Variants in KCNK4 observed in about 807,000 individuals in gnomAD.
KCNK4 encodes the protein potassium channel subfamily K member 4.
In KCNK4, 22 loss-of-function variants were observed where a neutral mutation model predicts 28.8. That is an observed-to-expected ratio of 0.76 (90% CI 0.55 to 1.09). KCNK4 has a LOEUF of 1.09. Among genes scored for constraint, KCNK4 ranks in the 50% least tolerant of loss-of-function variants. KCNK4 has a pLI of 0.00. For missense variants in KCNK4, 483 were observed against 546.3 expected (o/e 0.88, Z 1.15); for synonymous variants, 263 against 252.9 (o/e 1.04, Z -0.38).
intron 2 of KCNK4, among the ~76,000 whole-genome samples, chr11:64,296,579 A>G (rs895512390): frequency 2.6e-5 from 4 of 152,192 alleles, no homozygotes; most frequent in African/African-American, 9.7e-5. Flanking sequence ...GAACCCAGGC[A>G]GTCTGGTCCC....
In KCNK4 at chr11:64,298,107, C is replaced by T; in HGVS notation, c.662-3C>T. ...CTTTCTACCTTCCCTGGTGGTATCC[C>T]AGGCGCGGACCCCAGGCAGGACTCC... is the stretch of plus-strand genomic sequence containing the variant. On this transcript the variant is annotated splice_region_variant and splice_polypyrimidine_tract_variant and intron_variant, in intron 5 of 6. Coordinates refer to ENST00000422670, the MANE Select transcript of KCNK4 (RefSeq NM_033310.3). 1 of 1,613,120 alleles carries T rather than the reference C, an allele frequency of 6.2e-7. No individual in the cohort carries two copies.
chr11:64,298,402 G>A (rs1488311169), intron 6 of KCNK4, among the ~76,000 whole-genome samples, 153 bp downstream of exon 6: 1 of 152,232 alleles, frequency 6.6e-6, no homozygotes, highest in Non-Finnish European at 1.5e-5. Context: ...AGGGAACAGA[G>A]GGGTATAAGT....
chr11:64,297,627 C>A lies in KCNK4; in HGVS notation c.635C>A (p.Thr212Asn), dbSNP rs750123003. 1 of 1,612,122 alleles carries A rather than the reference C, an allele frequency of 6.2e-7. No homozygotes were observed. The highest frequency in any genetic ancestry group is 1.3e-5 in the African/African-American group (1 of 75,022). ...TACTTTGTCATAGTGACGCTTACCACCGTGGGCTTTGGCGACTATGTGGCC... is the reference window on the plus strand; with the variant it reads ...TACTTTGTCATAGTGACGCTTACCAACGTGGGCTTTGGCGACTATGTGGCC... ...AIYFVIVTLT[T>N]VGFGDYVAGA... is the part of the protein sequence containing the mutation. The change falls in exon 5 of 7, where the codon ACC (threonine) becomes AAC (asparagine). Residue 212 changes from threonine (T) to asparagine (N), a missense_variant. Physicochemically the swap from Thr to Asn is moderately conservative, Grantham distance 65 (BLOSUM62 0). Transcript: ENST00000422670.
chr11:64,299,600 T>A lies in KCNK4; in HGVS notation c.1056T>A (p.Asp352Glu). 6.2e-7 allele frequency: 1 copy of A among 1,609,662 alleles called. No individual in the cohort carries two copies. The highest frequency in any genetic ancestry group is 8.5e-7 in the Non-Finnish European group (1 of 1,178,578). Residue 352 changes from aspartate (D) to glutamate (E), a missense_variant, in exon 7 of 7, where the codon GAT (aspartate) becomes GAA (glutamate). Physicochemically the swap from Asp to Glu is conservative, Grantham distance 45. Coordinates refer to ENST00000422670, the MANE Select transcript of KCNK4 (RefSeq NM_033310.3). Reference sequence around the variant, plus strand: ...TGGCCTTCATCGACGAGTCCTCGGATACGCAGAGCGAGCGCGGCTGCCCGC... The same window carrying A: ...TGGCCTTCATCGACGAGTCCTCGGAAACGCAGAGCGAGCGCGGCTGCCCGC... ...ENLAFIDESS[D>E]TQSERGCPLP...
Position 64,299,511 on chromosome 11 carries a change from C to A in KCNK4, c.967C>A (p.Pro323Thr). 1 of 1,609,262 alleles carries A rather than the reference C, an allele frequency of 6.2e-7. No individual in the cohort carries two copies. The highest frequency in any genetic ancestry group is 1.3e-5 in the African/African-American group (1 of 74,448). ...PLGRPRSPSP[P>T]EKAQPPSPPT... is the part of the protein sequence containing the mutation. ...GGGCAGGCCCCGATCCCCTTCGCCC[C>A]CCGAGAAGGCTCAGCCGCCTTCCCC... Residue 323 changes from proline (P) to threonine (T), a missense_variant, in exon 7 of 7, where the codon CCC becomes ACC. By Grantham distance (38) the Pro-to-Thr change is conservative (BLOSUM62 -1). Transcript: ENST00000422670.
At chr11:64,298,400 G>C in intron 6 of KCNK4, 151 bp downstream of exon 6, 1 of 922,226 alleles carries the variant, frequency 1.1e-6, no homozygotes, top group Admixed American at 2.7e-5. Flanking sequence ...GCAGGGAACA[G>C]AGGGGTATAA....
chr11:64,299,435 G>T lies in KCNK4; in HGVS notation c.891G>T (p.Pro297=), dbSNP rs748268121. ...GAGCCGGGCCCGCCGCCCCGCCGCC[G>T]GAGAAGGAGCAGCCACTGCTGCCTC... ...TQRAGPAAPP[P]EKEQPLLPPP... is the part of the protein sequence containing the mutation. The change falls in exon 7 of 7, where the codon CCG becomes CCT. Residue 297 remains proline, a synonymous_variant. Coordinates refer to ENST00000422670, the MANE Select transcript of KCNK4 (RefSeq NM_033310.3). The T allele has an allele frequency of 1.9e-6, 3 of 1,591,384 alleles. No individual in the cohort carries two copies. Among genetic ancestry groups the T allele is most frequent in the East Asian group, 2.3e-5 (1 of 43,398 alleles).
In KCNK4 at chr11:64,297,612, T is replaced by C. The variant is rs141595182; in HGVS notation, c.620T>C (p.Ile207Thr). Reference sequence around the variant, plus strand: ...AAGCTGGAGGCCATCTACTTTGTCATAGTGACGCTTACCACCGTGGGCTTT... The same window carrying C: ...AAGCTGGAGGCCATCTACTTTGTCACAGTGACGCTTACCACCGTGGGCTTT... ...WSKLEAIYFV[I>T]VTLTTVGFGD... Residue 207 changes from isoleucine to threonine, a missense_variant, in exon 5 of 7, where the codon ATA (isoleucine) becomes ACA (threonine). Physicochemically the swap from Ile to Thr is moderately conservative, Grantham distance 89. Transcript: ENST00000422670. The C allele has an allele frequency of 3.1e-6, 5 of 1,613,764 alleles. No individual in the cohort carries two copies. Among genetic ancestry groups the C allele is most frequent in the Admixed American group, 1.7e-5 (1 of 59,990 alleles).
intron 2 of KCNK4, among the ~76,000 whole-genome samples, chr11:64,295,161 A>G (rs551305253): frequency 6.6e-6 from 1 of 152,308 alleles, no homozygotes; most frequent in Non-Finnish European, 1.5e-5. Flanking sequence ...GGAGGGTGTC[A>G]CATCTAGGCA....
At position 64,299,702 on chromosome 11, in the gene KCNK4, C is replaced by A. The variant is rs866420155; in HGVS notation, c.1158C>A (p.Pro386=). The change falls in exon 7 of 7, where the codon CCC becomes CCA. Residue 386 remains proline, a synonymous_variant. Coordinates refer to ENST00000422670, the MANE Select transcript of KCNK4 (RefSeq NM_033310.3). ...TGCGGCCCCGCGGCCCCGGGCGTCC[C>A]CGAGACAAAGGCGTGCCGGTGTAGG... ...KPVRPRGPGR[P]RDKGVPV 6.4e-7 allele frequency: 1 copy of A among 1,562,874 alleles called. No homozygotes were observed. Among genetic ancestry groups the A allele is most frequent in the East Asian group, 2.3e-5 (1 of 42,602 alleles).
chr11:64,296,478 A>C (rs1399056134), intron 2 of KCNK4, among the ~76,000 whole-genome samples: 1 of 152,026 alleles, frequency 6.6e-6, no homozygotes, highest in Non-Finnish European at 1.5e-5. Context: ...AAAATCTGGG[A>C]GGCAGATGCT....
Position 64,299,677 on chromosome 11 carries a change from TGCGGCCCC to T in KCNK4, c.1143_1150del (p.Gly382AlafsTer43). The T allele has an allele frequency of 6.3e-7, 1 of 1,595,482 alleles. No homozygotes were observed. Among genetic ancestry groups the T allele is most frequent in the Non-Finnish European group, 8.5e-7 (1 of 1,172,280 alleles). Reference sequence around the variant, plus strand: ...CGCCCAAATCCCCCCAGGAAGCCCGTGCGGCCCCGCGGCCCCGGGCGTCCCCGAGACAA... The same window carrying T: ...CGCCCAAATCCCCCCAGGAAGCCCGTGCGGCCCCGGGCGTCCCCGAGACAA... On this transcript the variant is annotated frameshift_variant, in exon 7 of 7. Transcript: ENST00000422670. LOFTEE classifies it high-confidence loss of function.
chr11:64,292,295 C>A (rs1050519884), intron 1 of KCNK4, among the ~76,000 whole-genome samples: 7 of 152,162 alleles, frequency 4.6e-5, no homozygotes, highest in Non-Finnish European at 1.0e-4. Flanking sequence ...GTGGCCTTTG[C>A]GGACCCCCGC....
At chr11:64,294,515 CA>C (rs771542870) in intron 2 of KCNK4, among the ~76,000 whole-genome samples, 10 of 92,534 alleles carry the variant, frequency 1.1e-4, no homozygotes, top group African/African-American at 1.4e-4. Context: ...TGATCGGTCT[CA>C]AAAAAAAAAA....
Position 64,299,472 on chromosome 11 carries a change from C to G in KCNK4, c.928C>G (p.Pro310Ala), listed in dbSNP as rs2135236525. 1 of 1,606,348 alleles carries G rather than the reference C, an allele frequency of 6.2e-7. No individual in the cohort carries two copies. Among genetic ancestry groups the G allele is most frequent in the South Asian group, 1.1e-5 (1 of 90,680 alleles). Residue 310 changes from proline to alanine, a missense_variant, in exon 7 of 7, where the codon CCA (proline) becomes GCA (alanine). By Grantham distance (27) the Pro-to-Ala change is conservative (BLOSUM62 -1). Transcript: ENST00000422670. ...GCCACTGCTGCCTCCACCGCCCTGT[C>G]CAGCGCAGCCGCTGGGCAGGCCCCG... ...EQPLLPPPPC[P>A]AQPLGRPRSP... is the part of the protein sequence containing the mutation.
chr11:64,299,545 C>T lies in KCNK4; in HGVS notation c.1001C>T (p.Ala334Val), dbSNP rs771658589. The change falls in exon 7 of 7, where the codon GCC becomes GTC. Residue 334 changes from alanine to valine, a missense_variant. Physicochemically the swap from Ala to Val is moderately conservative, Grantham distance 64. Coordinates refer to ENST00000422670, the MANE Select transcript of KCNK4 (RefSeq NM_033310.3). ...EKAQPPSPPT[A>V]SALDYPSENL... is the part of the protein sequence containing the mutation. Reference sequence around the variant, plus strand: ...GCTCAGCCGCCTTCCCCGCCCACGGCCTCGGCCCTGGATTATCCCAGCGAG... The same window carrying T: ...GCTCAGCCGCCTTCCCCGCCCACGGTCTCGGCCCTGGATTATCCCAGCGAG... 1 of 1,610,082 alleles carries T rather than the reference C, an allele frequency of 6.2e-7. No homozygotes were observed. Among genetic ancestry groups the T allele is most frequent in the South Asian group, 1.1e-5 (1 of 90,880 alleles).
rs1268727490 is a variant in KCNK4, at chr11:64,291,338, G to C, written c.-306G>C. 2.0e-5 allele frequency: 3 copies of C among 152,360 alleles called. No individual in the cohort carries two copies. Among genetic ancestry groups the C allele is most frequent in the Non-Finnish European group, 2.9e-5 (2 of 68,136 alleles). 9.4% of individuals were successfully genotyped at this position (152,360 alleles called of 1,614,324 possible). A position where few individuals can be genotyped will look rare whatever the true frequency, so the allele number is the denominator to read the frequency against. ...CAAGGGCCAGGCTGTCCCCAGGGGC[G>C]GAGAGTTGCGGACCCTTCCCGATCC... On this transcript the variant is annotated 5_prime_UTR_variant, in exon 1 of 7. Coordinates refer to ENST00000422670, the MANE Select transcript of KCNK4 (RefSeq NM_033310.3).
chr11:64,297,052 G>T (rs751056054), intron 3 of KCNK4, 51 bp downstream of exon 3: 1 of 1,597,826 alleles, frequency 6.3e-7, no homozygotes, highest in Admixed American at 1.7e-5. Flanking sequence ...TCCTCATGGG[G>T]GAAGGTGCAG....
In KCNK4 at chr11:64,299,652, C is replaced by T; in HGVS notation, c.1108C>T (p.Arg370Cys). 6.2e-7 allele frequency: 1 copy of T among 1,607,102 alleles called. No individual in the cohort carries two copies. The highest frequency in any genetic ancestry group is 2.2e-5 in the East Asian group (1 of 44,564). Reference protein sequence around the residue: ...PLPRAPRGRRRPNPPRKPVRP... With the variant: ...PLPRAPRGRRCPNPPRKPVRP... ...GCCCCGCGCGCCGAGAGGTCGCCGCCGCCCAAATCCCCCCAGGAAGCCCGT... is the reference window on the plus strand; with the variant it reads ...GCCCCGCGCGCCGAGAGGTCGCCGCTGCCCAAATCCCCCCAGGAAGCCCGT... Residue 370 changes from arginine to cysteine, a missense_variant, in exon 7 of 7, where the codon CGC (arginine) becomes TGC (cysteine). Transcript: ENST00000422670.
Sources: allele counts gnomAD v4.1 joint callset (sites outside exome capture counted in the v4.1 genomes callset), GRCh38; gene constraint gnomAD v4.1.1; transcripts MANE v1.5; gene names NCBI Gene and HGNC (gene_info 2026-07-23, HGNC 2026-07-21).